RC3H1: variants seen among roughly 807,000 people sequenced by gnomAD.
RC3H1 encodes ring finger and CCCH-type domains 1.
A neutral mutation model predicts 138.2 loss-of-function variants in RC3H1; 50 were observed. The observed-to-expected ratio is 0.36, with a 90% confidence interval of 0.29 to 0.46. The LOEUF (loss-of-function observed/expected upper bound fraction) is 0.46. RC3H1 is among the 20% of genes least tolerant of loss of function. RC3H1 has a pLI of 1.00. For missense variants in RC3H1, 1,031 were observed against 1,388.1 expected (o/e 0.74, Z 4.09); for synonymous variants, 462 against 489.1 (o/e 0.94, Z 0.73).
chr1:173,938,935 C>T, intron 19 of RC3H1, 64 bp from the exon 20 acceptor site: 3 of 1,261,546 alleles, frequency 2.4e-6, no homozygotes, highest in South Asian at 1.5e-5. Context: ...ATAAAATCAA[C>T]AGGGGATATA....
chr1:174,017,691 T>G (rs1398283543), intron 1 of RC3H1, among the ~76,000 whole-genome samples: 1 of 149,030 alleles, frequency 6.7e-6, no homozygotes, highest in East Asian at 2.0e-4. Context: ...CTGTTTACTT[T>G]AAAATGGTTA....
chr1:173,974,346 C>T (rs1197073988), intron 7 of RC3H1, among the ~76,000 whole-genome samples: 2 of 141,066 alleles, frequency 1.4e-5, no homozygotes, highest in Non-Finnish European at 3.1e-5. Context: ...GAGAAGGTTA[C>T]ATTTGATTAA....
intron 9 of RC3H1, among the ~76,000 whole-genome samples, chr1:173,966,351 A>T (rs1208170947): frequency 6.6e-6 from 1 of 152,058 alleles, no homozygotes; most frequent in East Asian, 1.9e-4. Flanking sequence ...AAGCCATCAG[A>T]CTCCAGGATC....
chr1:173,941,232 T>G lies in RC3H1; in HGVS notation c.3251+33A>C, dbSNP rs763944764. On this transcript the variant is annotated intron_variant, in intron 19 of 19. Transcript: ENST00000367696. Reference sequence around the variant, plus strand: ...TATTAGTTTCTCTTTTGTGTGTAATTTAATATGGCTACGACAATCTCCTTT... The same window carrying G: ...TATTAGTTTCTCTTTTGTGTGTAATGTAATATGGCTACGACAATCTCCTTT... 1.9e-5 allele frequency: 25 copies of G among 1,283,192 alleles called. No individual in the cohort carries two copies. In the Admixed American group the frequency reaches 2.1e-4, roughly 11 times the overall value. The allele number at this position is 1,283,192 out of a possible 1,614,324, so 79.5% of individuals were successfully genotyped here. A position where few individuals can be genotyped will look rare whatever the true frequency, so the allele number is the denominator to read the frequency against.
At chr1:174,014,874 GTA>G (rs1423879544) in intron 1 of RC3H1, among the ~76,000 whole-genome samples, 1 of 152,084 alleles carries the variant, frequency 6.6e-6, no homozygotes, top group African/African-American at 2.4e-5. Flanking sequence ...CCACTCTACT[GTA>G]TATATGTTTA....
Position 173,970,580 on chromosome 1 carries a change from C to T in RC3H1, c.1259G>A (p.Arg420Gln). The T allele has an allele frequency of 1.9e-6, 3 of 1,613,830 alleles. No individual in the cohort carries two copies. Among genetic ancestry groups the T allele is most frequent in the Non-Finnish European group, 1.7e-6 (2 of 1,179,910 alleles). ...QHSKYKTYMC[R>Q]DMKQRGGCPR... is the part of the protein sequence containing the mutation. ...GCATCCTCCTCTCTGCTTCATATCT[C>T]GACACATGTATGTTTTGTATTTGCT... Residue 420 changes from arginine to glutamine, a missense_variant, in exon 9 of 20, where the codon CGA (arginine) becomes CAA (glutamine). This residue lies in a region of RC3H1 where 142 missense variants were observed against 224.6 expected (regional missense o/e 0.63). Coordinates refer to ENST00000367696, the MANE Select transcript of RC3H1 (RefSeq NM_172071.4).
intron 5 of RC3H1, among the ~76,000 whole-genome samples, chr1:173,982,384 A>G (rs1660862491): frequency 6.6e-6 from 1 of 152,210 alleles, no homozygotes; most frequent in African/African-American, 2.4e-5. Flanking sequence ...TCAAAAAAAT[A>G]AAAATAAATA....
At chr1:174,006,494 T>C (rs557218039) in intron 1 of RC3H1, among the ~76,000 whole-genome samples, 1 of 152,322 alleles carries the variant, frequency 6.6e-6, no homozygotes, top group African/African-American at 2.4e-5. Flanking sequence ...CTTAGTGATT[T>C]AGTCATAATT....
intron 14 of RC3H1, among the ~76,000 whole-genome samples, chr1:173,948,958 A>G (rs192226852): frequency 3.5e-4 from 54 of 152,174 alleles, no homozygotes; most frequent in Admixed American, 2.5e-3. Flanking sequence ...CTTTAATATA[A>G]TAACCCTTTC....
At position 173,986,609 on chromosome 1, in the gene RC3H1, T is replaced by C. The variant is rs554506092; in HGVS notation, c.232-1990A>G. Among the ~76,000 whole-genome samples the C allele has an allele frequency of 4.6e-5, 7 of 151,698 alleles. No homozygotes were observed. The East Asian group carries it at 1.2e-3, about 25-fold the overall frequency. On this transcript the variant is annotated intron_variant, in intron 2 of 19. Coordinates refer to ENST00000367696, the MANE Select transcript of RC3H1 (RefSeq NM_172071.4). ...ACAAAGTCTCACTCTGTCGCCCAGATTGGAGTACAGTGGCACAATCTCGGC... is the reference window on the plus strand; with the variant it reads ...ACAAAGTCTCACTCTGTCGCCCAGACTGGAGTACAGTGGCACAATCTCGGC...
In RC3H1 at chr1:173,964,132, G is replaced by A. The variant is rs757361997; in HGVS notation, c.1672C>T (p.Pro558Ser). The A allele has an allele frequency of 1.2e-6, 2 of 1,614,098 alleles. No individual in the cohort carries two copies. Among genetic ancestry groups the A allele is most frequent in the Non-Finnish European group, 1.7e-6 (2 of 1,180,000 alleles). Residue 558 changes from proline (P) to serine (S), a missense_variant, in exon 11 of 20, where the codon CCT becomes TCT. Physicochemically the swap from Pro to Ser is moderately conservative, Grantham distance 74. Coordinates refer to ENST00000367696, the MANE Select transcript of RC3H1 (RefSeq NM_172071.4). Reference sequence around the variant, plus strand: ...GGCAGATCTGCTGGCCCCCTTGGAGGTATAGAATGTGGATTCACAGGTAAG... The same window carrying A: ...GGCAGATCTGCTGGCCCCCTTGGAGATATAGAATGTGGATTCACAGGTAAG... ...SALPVNPHSIPPRGPADLPPM... is the reference protein window; with the variant it reads ...SALPVNPHSISPRGPADLPPM...
chr1:173,958,785 G>GT (rs533719630), intron 13 of RC3H1, among the ~76,000 whole-genome samples: 190 of 145,572 alleles, frequency 1.3e-3, no homozygotes, highest in Non-Finnish European at 1.9e-3. Flanking sequence ...ACATTAACCA[G>GT]TTTTTTTTTT....
rs1210669077 is a variant in RC3H1 at position 173,936,730 on chromosome 1, C to CATATAT, written c.*1985_*1990dup. 3 of 46,784 alleles carry CATATAT rather than the reference C, an allele frequency of 6.4e-5. No individual in the cohort carries two copies. The highest frequency in any genetic ancestry group is 1.1e-4 in the Non-Finnish European group (3 of 27,206). The allele number at this position is 46,784 out of a possible 1,614,324, so 2.9% of individuals were successfully genotyped here. On this transcript the variant is annotated 3_prime_UTR_variant, in exon 20 of 20. Transcript: ENST00000367696. ...AGCCAAAAAAAAAAGAAAAAGCATA[C>CATATAT]ATATATATATATATATATATATATA...
intron 7 of RC3H1, among the ~76,000 whole-genome samples, chr1:173,977,996 C>T (rs7551898): frequency 0.022 from 3,326 of 152,030 alleles, 135 homozygotes; most frequent in African/African-American, 0.077. Flanking sequence ...GATGTAAGTG[C>T]AAGTTGAAAA....
At chr1:173,949,962 T>A (rs879320206) in intron 14 of RC3H1, among the ~76,000 whole-genome samples, 1 of 151,448 alleles carries the variant, frequency 6.6e-6, no homozygotes, top group African/African-American at 2.4e-5. Flanking sequence ...AAGTCAGGAG[T>A]TCGAGACGAG....
intron 3 of RC3H1, 70 bp from the exon 4 acceptor site, chr1:173,983,727 T>C (rs1660913260): frequency 6.5e-7 from 1 of 1,531,186 alleles, no homozygotes; most frequent in Admixed American, 1.8e-5. Flanking sequence ...AATTCTTCTG[T>C]TGGGTTAACT....
chr1:173,954,608 A>G (rs922272716), intron 13 of RC3H1, among the ~76,000 whole-genome samples: 2 of 152,228 alleles, frequency 1.3e-5, no homozygotes, highest in African/African-American at 2.4e-5. Flanking sequence ...TTTTTTGAAG[A>G]AAACTTTTAA....
chr1:173,946,031 T>A (rs1249092615), intron 17 of RC3H1, among the ~76,000 whole-genome samples: 1 of 152,048 alleles, frequency 6.6e-6, no homozygotes, highest in Non-Finnish European at 1.5e-5. Flanking sequence ...TCGCTGAGTA[T>A]GGTGGTGTAC....
chr1:173,932,627 G>C lies in RC3H1; in HGVS notation c.*6094C>G, dbSNP rs539326807. On this transcript the variant is annotated 3_prime_UTR_variant, in exon 20 of 20. Transcript: ENST00000367696. ...GAAAATTTAGGCCAACGATCCATCT[G>C]GAAAAAATAACTCTCAAGACAGTGT... The C allele has an allele frequency of 1.4e-4, 21 of 151,948 alleles. No homozygotes were observed. Among genetic ancestry groups the C allele is most frequent in the African/African-American group, 4.6e-4 (19 of 41,470 alleles). The allele number at this position is 151,948 out of a possible 1,614,324, so 9.4% of individuals were successfully genotyped here.
Sources: gnomAD v4.1 joint callset for allele counts (sites outside exome capture counted in the v4.1 genomes callset) on GRCh38, gnomAD v4.1.1 for gene constraint, gnomAD v4.1.1 regional missense constraint, MANE v1.5 for transcripts, NCBI Gene and HGNC (gene_info 2026-07-23, HGNC 2026-07-21) for gene names.